Variants in SEMA6D observed in about 807,000 individuals in gnomAD.
The protein encoded by SEMA6D is semaphorin-6D.
In SEMA6D, 35 loss-of-function variants were observed where a neutral mutation model predicts 106.6. The ratio of observed to expected loss-of-function variants is 0.33; its 90% confidence interval spans 0.25 to 0.44. The LOEUF (loss-of-function observed/expected upper bound fraction) is 0.44. Ranked by LOEUF, SEMA6D falls within the 20% of genes least tolerant of loss-of-function variation. The pLI, the probability that SEMA6D is intolerant of heterozygous loss-of-function variation, is 1.00. For synonymous variants in SEMA6D, 499 were observed against 487.7 expected (o/e 1.02, Z -0.31); for missense variants, 1,185 against 1,345.9 (o/e 0.88, Z 1.87).
At chr15:47,334,830 T>C (rs1287777051) in intron 1 of SEMA6D, among the ~76,000 whole-genome samples, 1 of 152,236 alleles carries the variant, frequency 6.6e-6, no homozygotes, top group Non-Finnish European at 1.5e-5. Context: ...AATTAAGGGA[T>C]GATGGTAGTC....
chr15:47,313,701 A>T (rs1400070753), intron 1 of SEMA6D, among the ~76,000 whole-genome samples: 1 of 152,130 alleles, frequency 6.6e-6, no homozygotes, highest in Non-Finnish European at 1.5e-5. Context: ...TGTAGCTGAT[A>T]CTAAAGGCGA....
chr15:47,574,063 G>A (rs2076113848), intron 3 of SEMA6D, among the ~76,000 whole-genome samples: 1 of 152,018 alleles, frequency 6.6e-6, no homozygotes, highest in Non-Finnish European at 1.5e-5. Context: ...ATAGGATCCA[G>A]GCAAGAACTT....
At chr15:47,443,148 G>A (rs528216809) in intron 2 of SEMA6D, among the ~76,000 whole-genome samples, 1 of 152,166 alleles carries the variant, frequency 6.6e-6, no homozygotes, top group East Asian at 1.9e-4. Context: ...GTCACCTTGT[G>A]GCAGATGGTA....
chr15:47,626,704 T>C (rs2077207784), intron 4 of SEMA6D, among the ~76,000 whole-genome samples: 1 of 152,154 alleles, frequency 6.6e-6, no homozygotes, highest in African/African-American at 2.4e-5. Flanking sequence ...TTCTGAGCTT[T>C]TCCTTGTCCA....
At chr15:47,721,106 C>T (rs555252565) in intron 1 of SEMA6D, among the ~76,000 whole-genome samples, 3 of 152,148 alleles carry the variant, frequency 2.0e-5, no homozygotes, top group Non-Finnish European at 4.4e-5. Flanking sequence ...AGTGTTCCAA[C>T]ACCAGGTGAG....
At chr15:47,258,828 G>A (rs2033934833) in intron 1 of SEMA6D, among the ~76,000 whole-genome samples, 1 of 151,866 alleles carries the variant, frequency 6.6e-6, no homozygotes, top group Admixed American at 6.6e-5. Flanking sequence ...GGGGACTCCT[G>A]ACTAATATAT....
At chr15:47,345,267 G>A (rs1595780718) in intron 1 of SEMA6D, among the ~76,000 whole-genome samples, 1 of 151,178 alleles carries the variant, frequency 6.6e-6, no homozygotes, top group Non-Finnish European at 1.5e-5. Context: ...TGATAAAATG[G>A]TTTTGAAAAA....
chr15:47,515,088 A>G (rs376883510), intron 3 of SEMA6D, among the ~76,000 whole-genome samples: 1 of 152,190 alleles, frequency 6.6e-6, no homozygotes, highest in East Asian at 1.9e-4. Flanking sequence ...TTTCTCAAAT[A>G]TGATTGGCAT....
chr15:47,431,102 ACTTTTGTT>A (rs2041507059), intron 2 of SEMA6D, among the ~76,000 whole-genome samples: 1 of 152,096 alleles, frequency 6.6e-6, no homozygotes, highest in Non-Finnish European at 1.5e-5. Context: ...ATAAATTTTT[ACTTTTGTT>A]TTTCAAAGAA....
At chr15:47,525,653 C>T (rs1000224593) in intron 3 of SEMA6D, among the ~76,000 whole-genome samples, 1 of 152,144 alleles carries the variant, frequency 6.6e-6, no homozygotes, top group African/African-American at 2.4e-5. Flanking sequence ...ATCGACTACT[C>T]ATCTGCTAGA....
At chr15:47,731,122 A>G (rs1157153806) in intron 1 of SEMA6D, among the ~76,000 whole-genome samples, 1 of 152,124 alleles carries the variant, frequency 6.6e-6, no homozygotes, top group African/African-American at 2.4e-5. Flanking sequence ...ATTTTGCAAC[A>G]CTTTGCCCTT....
At chr15:47,305,710 A>T (rs2036205122) in intron 1 of SEMA6D, among the ~76,000 whole-genome samples, 1 of 152,212 alleles carries the variant, frequency 6.6e-6, no homozygotes, top group Admixed American at 6.5e-5. Context: ...CATACAGTGA[A>T]AAATCATTGC....
chr15:47,326,255 T>G (rs2037125433), intron 1 of SEMA6D, among the ~76,000 whole-genome samples: 1 of 152,220 alleles, frequency 6.6e-6, no homozygotes, highest in Non-Finnish European at 1.5e-5. Flanking sequence ...TGTAAGGAGT[T>G]ACAGAAATGT....
intron 2 of SEMA6D, among the ~76,000 whole-genome samples, chr15:47,416,488 C>G (rs537133035): frequency 1.1e-4 from 16 of 152,250 alleles, no homozygotes; most frequent in Admixed American, 4.6e-4. Flanking sequence ...GTGTTTATAA[C>G]TGACTCAATT....
chr15:47,627,487 T>A (rs978291213), intron 4 of SEMA6D, among the ~76,000 whole-genome samples: 4 of 152,194 alleles, frequency 2.6e-5, no homozygotes, highest in Non-Finnish European at 5.9e-5. Context: ...CATCACTGTT[T>A]CTTATCTGTA....
At chr15:47,712,346 A>G (rs985636656) in intron 4 of SEMA6D, among the ~76,000 whole-genome samples, 9 of 152,208 alleles carry the variant, frequency 5.9e-5, no homozygotes, top group African/African-American at 1.2e-4. Flanking sequence ...TAGAAAAAAA[A>G]TAAGGATTGA....
intron 1 of SEMA6D, among the ~76,000 whole-genome samples, chr15:47,224,165 GAA>G (rs11334920): frequency 8.2e-5 from 12 of 146,488 alleles, no homozygotes; most frequent in Middle Eastern, 3.6e-3. Context: ...AATAATAAAA[GAA>G]AAAAAAATAA....
At chr15:47,705,782 G>C (rs2078901902) in intron 4 of SEMA6D, among the ~76,000 whole-genome samples, 1 of 152,132 alleles carries the variant, frequency 6.6e-6, no homozygotes. Context: ...GAAAGTGCAG[G>C]GCCAAAGTCT....
intron 2 of SEMA6D, among the ~76,000 whole-genome samples, chr15:47,453,042 C>A (rs1289288880): frequency 6.6e-6 from 1 of 151,750 alleles, no homozygotes; most frequent in Non-Finnish European, 1.5e-5. Context: ...AAGCTCATAC[C>A]ACAGCAGATA....
Sources: gnomAD v4.1 joint callset for allele counts (sites outside exome capture counted in the v4.1 genomes callset) on GRCh38, gnomAD v4.1.1 for gene constraint, MANE v1.5 for transcripts, NCBI Gene and HGNC (gene_info 2026-07-23, HGNC 2026-07-21) for gene names.